Variants in ARMC10 observed in about 807,000 individuals in gnomAD.
ARMC10 encodes the protein armadillo repeat-containing protein 10.
In ARMC10, 23 loss-of-function variants were observed where a neutral mutation model predicts 30.2. That is an observed-to-expected ratio of 0.76 (90% CI 0.55 to 1.08). ARMC10 has a LOEUF of 1.08. Ranked by LOEUF, ARMC10 falls within the 50% of genes least tolerant of loss-of-function variation. The probability of loss-of-function intolerance (pLI) is 0.00; values close to 1 mark genes in which losing one functional copy is unlikely to be tolerated. For missense variants in ARMC10, 303 were observed against 413.7 expected (o/e 0.73, Z 2.32); for synonymous variants, 111 against 164.4 (o/e 0.68, Z 2.48).
In ARMC10 at chr7:103,080,877, C is replaced by G. The variant is rs1205097060; in HGVS notation, c.245-2805C>G. 2.6e-5 allele frequency among the ~76,000 whole-genome samples: 4 copies of G among 151,388 alleles called. No individual in the cohort carries two copies. The East Asian group carries it at 7.8e-4, about 30-fold the overall frequency. On this transcript the variant is annotated intron_variant, in intron 2 of 6. Coordinates refer to ENST00000323716, the MANE Select transcript of ARMC10 (RefSeq NM_031905.5). Reference sequence around the variant, plus strand: ...TCCTAACCTCGTGATCCGCCCATCTCAGCCTCCCAGAGTGCTGGGATTACA... The same window carrying G: ...TCCTAACCTCGTGATCCGCCCATCTGAGCCTCCCAGAGTGCTGGGATTACA...
intron 5 of ARMC10, chr7:103,096,134 T>G (rs550396130): frequency 7.9e-5 from 12 of 152,350 alleles, no homozygotes; most frequent in African/African-American, 2.6e-4. Context: ...TATTACTGAC[T>G]TTTCAGTTAT....
chr7:103,092,833 G>T (rs965727939), intron 5 of ARMC10, among the ~76,000 whole-genome samples, 180 bp downstream of exon 5: 9 of 152,240 alleles, frequency 5.9e-5, no homozygotes, highest in Middle Eastern at 6.8e-3. Context: ...ACCATCTGTT[G>T]TTTCACTTAT....
chr7:103,083,477 C>T (rs769108651), intron 2 of ARMC10, among the ~76,000 whole-genome samples: 2 of 151,936 alleles, frequency 1.3e-5, no homozygotes, highest in Admixed American at 6.6e-5. Context: ...TAAAATTAGC[C>T]GGGTGTGGTG....
At chr7:103,098,228 T>C (rs1285747537) in intron 6 of ARMC10, 71 bp from the exon 7 acceptor site, 3 of 1,203,002 alleles carry the variant, frequency 2.5e-6, no homozygotes, top group Middle Eastern at 3.1e-4. Flanking sequence ...AGTTTTAAAA[T>C]GTTAAAATAT....
At chr7:103,082,405 CAAA>C (rs11354159) in intron 2 of ARMC10, among the ~76,000 whole-genome samples, 17 of 141,468 alleles carry the variant, frequency 1.2e-4, no homozygotes, top group Non-Finnish European at 7.7e-5. Flanking sequence ...CTGTTTATTG[CAAA>C]AAAAAAAAAA....
intron 2 of ARMC10, among the ~76,000 whole-genome samples, chr7:103,080,036 A>C (rs1448415654): frequency 6.6e-6 from 1 of 152,060 alleles, no homozygotes; most frequent in African/African-American, 2.4e-5. Flanking sequence ...TCCTTGATTT[A>C]CTGGAGGAGA....
chr7:103,084,674 G>A (rs986677673), intron 3 of ARMC10, among the ~76,000 whole-genome samples: 1 of 152,176 alleles, frequency 6.6e-6, no homozygotes, highest in Non-Finnish European at 1.5e-5. Flanking sequence ...AGTTCCCAGA[G>A]TTCTCTCTTT....
At chr7:103,095,278 G>T (rs1003284163) in intron 5 of ARMC10, among the ~76,000 whole-genome samples, 1 of 152,104 alleles carries the variant, frequency 6.6e-6, no homozygotes, top group Admixed American at 6.5e-5. Context: ...ATTTTTGGTA[G>T]AGACGGGGTT....
At chr7:103,097,049 C>T in intron 5 of ARMC10, 1 of 538,822 alleles carries the variant, frequency 1.9e-6, no homozygotes. Context: ...TTAAATAACA[C>T]TGTTCTATGA....
In ARMC10 at chr7:103,083,815, C is replaced by G. The variant is rs777375435; in HGVS notation, c.378C>G (p.Ala126=). 1 of 1,613,716 alleles carries G rather than the reference C, an allele frequency of 6.2e-7. No homozygotes were observed. The highest frequency in any genetic ancestry group is 1.3e-5 in the African/African-American group (1 of 74,878). The change falls in exon 3 of 7, where the codon GCC becomes GCG. Residue 126 remains alanine, a synonymous_variant. Transcript: ENST00000323716. ...RALITLGNNA[A]FSVNQAIIRE... ...TGATTACTTTGGGTAACAATGCAGCCTTTTCAGTTAACCAAGTAAGTACCT... is the reference window on the plus strand; with the variant it reads ...TGATTACTTTGGGTAACAATGCAGCGTTTTCAGTTAACCAAGTAAGTACCT...
At chr7:103,086,575 C>T (rs935931064) in intron 3 of ARMC10, 55 bp from the exon 4 acceptor site, 15 of 1,524,680 alleles carry the variant, frequency 9.8e-6, no homozygotes, top group African/African-American at 2.9e-5. Context: ...ATTCAGTGAA[C>T]GGAGATGCAT....
intron 2 of ARMC10, among the ~76,000 whole-genome samples, chr7:103,083,339 G>A (rs531265779): frequency 6.6e-6 from 1 of 152,280 alleles, no homozygotes; most frequent in Admixed American, 6.5e-5. Flanking sequence ...AAAAAAACAG[G>A]CTGGGCACAG....
rs540403867 is a variant in ARMC10 at position 103,089,944 on chromosome 7, C to T, written c.529-2533C>T. ...GGCAAGTCCTTAAATAATTGTAAGT[C>T]AAGGCAGAACATAATGAAGTCCTTT... On this transcript the variant is annotated intron_variant, in intron 4 of 6. Transcript: ENST00000323716. Among the ~76,000 whole-genome samples the T allele has an allele frequency of 3.3e-5, 5 of 152,242 alleles. No homozygotes were observed. In the South Asian group the frequency reaches 1.0e-3, roughly 32 times the overall value.
intron 2 of ARMC10, chr7:103,081,800 G>A (rs1800409972): frequency 2.2e-6 from 1 of 444,530 alleles, no homozygotes. Context: ...GTATGCATGT[G>A]TATATGAAAT....
At chr7:103,077,565 G>A (rs564447687) in intron 2 of ARMC10, among the ~76,000 whole-genome samples, 4 of 152,194 alleles carry the variant, frequency 2.6e-5, no homozygotes, top group African/African-American at 9.6e-5. Flanking sequence ...ATTAATCCAT[G>A]AATGGATTAA....
rs201282030 is a variant in ARMC10 at position 103,075,393 on chromosome 7, C to T, written c.121C>T (p.Arg41Cys). ...GCGGGGCGACCGCGAGCTCGGGATA[C>T]GCTCTTCGAAGTCCGCAGGTGGGAC... The part of the protein sequence containing the change: ...RRRGDRELGI[R>C]SSKSAGALEE... The change falls in exon 1 of 7, where the codon CGC becomes TGC. Residue 41 changes from arginine to cysteine, a missense_variant. This residue lies in a region of ARMC10 where 96 missense variants were observed against 84.2 expected (regional missense o/e 1.14). Transcript: ENST00000323716. 1,382 of 1,290,242 alleles carry T rather than the reference C, an allele frequency of 1.1e-3. 13 individuals are homozygous for T. In the African/African-American group the frequency reaches 0.018, roughly 17 times the overall value. 79.9% of individuals were successfully genotyped at this position (1,290,242 alleles called of 1,614,324 possible).
chr7:103,078,626 C>A, intron 2 of ARMC10, among the ~76,000 whole-genome samples: 1 of 152,172 alleles, frequency 6.6e-6, no homozygotes, highest in Non-Finnish European at 1.5e-5. Context: ...GTCATCATCA[C>A]GCTTAGATTT....
At chr7:103,092,809 A>C (rs371255406) in intron 5 of ARMC10, among the ~76,000 whole-genome samples, 156 bp downstream of exon 5, 7 of 152,234 alleles carry the variant, frequency 4.6e-5, no homozygotes. Flanking sequence ...CCATTGCAAA[A>C]TTAACTTTTG....
At chr7:103,094,156 T>C (rs1245257970) in intron 5 of ARMC10, among the ~76,000 whole-genome samples, 3 of 152,222 alleles carry the variant, frequency 2.0e-5, no homozygotes, top group Non-Finnish European at 2.9e-5. Context: ...AAATATCGTA[T>C]TTTGCTTAAG....
Sources: allele counts gnomAD v4.1 joint callset (sites outside exome capture counted in the v4.1 genomes callset), GRCh38; gene constraint gnomAD v4.1.1; regional missense constraint gnomAD v4.1.1; transcripts MANE v1.5; gene names NCBI Gene and HGNC (gene_info 2026-07-23, HGNC 2026-07-21).